Variants in EYA2 observed in about 807,000 individuals in gnomAD.
EYA2 encodes the protein EYA transcriptional coactivator and phosphatase 2.
Under a neutral mutation model 69.2 loss-of-function variants are expected in EYA2, and 31 were observed. The ratio of observed to expected loss-of-function variants is 0.45; its 90% CI spans 0.34 to 0.60. EYA2 has a LOEUF of 0.60. Among genes scored for constraint, EYA2 ranks in the 20% least tolerant of loss-of-function variants. The pLI, the probability that EYA2 is intolerant of heterozygous loss-of-function variation, is 0.02. For missense variants in EYA2, 622 were observed against 701.2 expected (o/e 0.89, Z 1.28); for synonymous variants, 257 against 279.4 (o/e 0.92, Z 0.80).
chr20:47,176,056 G>C (rs1211979097), intron 12 of EYA2, among the ~76,000 whole-genome samples: 1 of 150,284 alleles, frequency 6.7e-6, no homozygotes, highest in Non-Finnish European at 1.5e-5. Flanking sequence ...CCATCAACAA[G>C]TGAGCAAATC....
At chr20:47,124,840 A>G (rs1277354314) in intron 9 of EYA2, among the ~76,000 whole-genome samples, 1 of 151,668 alleles carries the variant, frequency 6.6e-6, no homozygotes, top group Non-Finnish European at 1.5e-5. Context: ...AAAAGCTGCT[A>G]GACATGTCCA....
chr20:47,081,778 CAA>C (rs199527518), intron 7 of EYA2, among the ~76,000 whole-genome samples: 151 of 110,122 alleles, frequency 1.4e-3, no homozygotes, highest in East Asian at 2.1e-3. Context: ...GACCTTGTCT[CAA>C]AAAAAAAAAA....
chr20:47,049,553 C>T (rs1298337573), intron 5 of EYA2, among the ~76,000 whole-genome samples: 1 of 150,284 alleles, frequency 6.7e-6, no homozygotes, highest in Non-Finnish European at 1.5e-5. Flanking sequence ...AGTCTGGGAC[C>T]TCCCCCTTTC....
chr20:46,947,773 A>G (rs938051707), intron 1 of EYA2, among the ~76,000 whole-genome samples: 1 of 152,170 alleles, frequency 6.6e-6, no homozygotes, highest in African/African-American at 2.4e-5. Flanking sequence ...GTGCAGCCCT[A>G]CTGTGGACCC....
rs1416566553 is a variant in EYA2 at position 47,089,331 on chromosome 20, C to G, written c.754C>G (p.Arg252Gly). Residue 252 changes from arginine to glycine, a missense_variant, in exon 8 of 16, where the codon CGG (arginine) becomes GGG (glycine). Coordinates refer to ENST00000327619, the MANE Select transcript of EYA2 (RefSeq NM_005244.5). ...GGCCTCCGACGGGAAGCTCCGAGGC[C>G]GGTCTAAGAGGAGCAGTGACCCGTC... ...HRASDGKLRGRSKRSSDPSPA... is the reference protein window; with the variant it reads ...HRASDGKLRGGSKRSSDPSPA... 6.2e-7 allele frequency: 1 copy of G among 1,614,078 alleles called. No homozygotes were observed. Among genetic ancestry groups the G allele is most frequent in the Non-Finnish European group, 8.5e-7 (1 of 1,179,996 alleles).
At chr20:47,166,742 C>T (rs1215449002) in intron 10 of EYA2, among the ~76,000 whole-genome samples, 2 of 152,072 alleles carry the variant, frequency 1.3e-5, no homozygotes, top group African/African-American at 2.4e-5. Flanking sequence ...TGCAGCATCT[C>T]GCTTCTCCTC....
chr20:47,109,364 A>G (rs951647647), intron 9 of EYA2, among the ~76,000 whole-genome samples: 1 of 152,134 alleles, frequency 6.6e-6, no homozygotes, highest in Non-Finnish European at 1.5e-5. Context: ...GGTACTACCA[A>G]TGTGTTTCCT....
Position 47,013,702 on chromosome 20 carries a change from C to T in EYA2, c.299-2479C>T, listed in dbSNP as rs115042345. Among the ~76,000 whole-genome samples the T allele has an allele frequency of 9.5e-3, 1,452 of 152,062 alleles. 17 individuals are homozygous for T. The highest frequency in any genetic ancestry group is 0.031 in the African/African-American group (1,305 of 41,462). ...AGGAGCCCAGGAAAGGCAGTGAGGT[C>T]GGAGGGGTGGGCAGAGCCCATGCAG... is the stretch of plus-strand genomic sequence containing the variant. On this transcript the variant is annotated intron_variant, in intron 4 of 15. Coordinates refer to ENST00000327619, the MANE Select transcript of EYA2 (RefSeq NM_005244.5).
intron 7 of EYA2, among the ~76,000 whole-genome samples, chr20:47,082,622 T>C (rs1315765955): frequency 1.3e-5 from 2 of 152,214 alleles, no homozygotes; most frequent in Non-Finnish European, 2.9e-5. Flanking sequence ...ATCAGAAGAC[T>C]TAATATTGTT....
At chr20:47,047,690 C>G (rs1047085010) in intron 5 of EYA2, among the ~76,000 whole-genome samples, 1 of 151,980 alleles carries the variant, frequency 6.6e-6, no homozygotes, top group Non-Finnish European at 1.5e-5. Context: ...CCCAGCCTGT[C>G]TCTCATTTTT....
intron 1 of EYA2, among the ~76,000 whole-genome samples, chr20:46,979,305 CA>C (rs1364131743): frequency 6.6e-6 from 1 of 152,152 alleles, no homozygotes; most frequent in African/African-American, 2.4e-5. Context: ...TCCCCAGGGA[CA>C]GGGGTGGTGA....
intron 1 of EYA2, among the ~76,000 whole-genome samples, chr20:46,986,900 G>C (rs1981260519): frequency 6.6e-6 from 1 of 152,156 alleles, no homozygotes; most frequent in Admixed American, 6.6e-5. Flanking sequence ...ATTTTAACAT[G>C]AGAGTTGAAG....
intron 1 of EYA2, among the ~76,000 whole-genome samples, chr20:46,985,596 G>A (rs151240207): frequency 5.1e-4 from 78 of 152,260 alleles, no homozygotes; most frequent in African/African-American, 1.8e-3. Flanking sequence ...GCTCTCAAAT[G>A]CAAATGCCTA....
Position 47,012,526 on chromosome 20 carries a change from C to T in EYA2, c.299-3655C>T, listed in dbSNP as rs147864723. Among the ~76,000 whole-genome samples the T allele has an allele frequency of 1.0e-3, 152 of 152,272 alleles. 1 individual carries two copies. The highest frequency in any genetic ancestry group is 3.4e-3 in the African/African-American group (141 of 41,558). On this transcript the variant is annotated intron_variant, in intron 4 of 15. Transcript: ENST00000327619. ...CTTATTTATTTGAGATGAAGTCTCA[C>T]TCTTTAGCCCAGGCTGGAGTGCATT...
chr20:47,082,105 G>T (rs948220082), intron 7 of EYA2, among the ~76,000 whole-genome samples: 1 of 152,046 alleles, frequency 6.6e-6, no homozygotes, highest in African/African-American at 2.4e-5. Context: ...CTCGCAAAGT[G>T]CTGGGATTAC....
At chr20:46,996,364 T>G (rs1038903748) in intron 2 of EYA2, among the ~76,000 whole-genome samples, 7 of 152,232 alleles carry the variant, frequency 4.6e-5, no homozygotes, top group Admixed American at 3.9e-4. Context: ...GTGATAATGC[T>G]TAGTGATGTG....
intron 1 of EYA2, among the ~76,000 whole-genome samples, chr20:46,917,973 C>T (rs902990659): frequency 6.6e-6 from 1 of 152,130 alleles, no homozygotes; most frequent in African/African-American, 2.4e-5. Flanking sequence ...TTCTCTGTAG[C>T]ATGCAATGCT....
chr20:46,924,631 C>G (rs1985326129), intron 1 of EYA2, among the ~76,000 whole-genome samples: 2 of 138,864 alleles, frequency 1.4e-5, no homozygotes, highest in Admixed American at 7.6e-5. Flanking sequence ...AATCGCGCCA[C>G]TGCACTCCAG....
At chr20:46,934,330 C>T (rs1985810202) in intron 1 of EYA2, among the ~76,000 whole-genome samples, 1 of 149,996 alleles carries the variant, frequency 6.7e-6, no homozygotes, top group Non-Finnish European at 1.5e-5. Flanking sequence ...CTGTTTTCCT[C>T]TGTGTCACCT....
Sources: gnomAD v4.1 joint callset for allele counts (sites outside exome capture counted in the v4.1 genomes callset) on GRCh38, gnomAD v4.1.1 for gene constraint, MANE v1.5 for transcripts, NCBI Gene and HGNC (gene_info 2026-07-23, HGNC 2026-07-21) for gene names.